The following ATL2 variants were observed in gnomAD, a reference collection of about 807,000 sequenced individuals.
ATL2 encodes atlastin-2.
In ATL2, 31 loss-of-function variants were observed where a neutral mutation model predicts 73.9. The ratio of observed to expected loss-of-function variants is 0.42; its 90% CI spans 0.32 to 0.57. The LOEUF (loss-of-function observed/expected upper bound fraction) is 0.57, where lower values mean the gene tolerates loss of function less well. Among genes scored for constraint, ATL2 ranks in the 20% least tolerant of loss-of-function variants. The pLI, the probability that ATL2 is intolerant of heterozygous loss-of-function variation, is 0.14. For synonymous variants in ATL2, 291 were observed against 237.5 expected, an observed-to-expected ratio of 1.23 and a Z score of -2.07; for missense variants, 738 against 702.6, an observed-to-expected ratio of 1.05 and a Z score of -0.57.
chr2:38,329,580 G>T (rs1170134522), intron 2 of ATL2, among the ~76,000 whole-genome samples: 1 of 151,850 alleles, frequency 6.6e-6, no homozygotes, highest in Admixed American at 6.6e-5. Flanking sequence ...TAAGCAGAGG[G>T]AATACTTCCT....
In ATL2 at chr2:38,298,473, T is replaced by C; in HGVS notation, c.1303A>G (p.Met435Val). Residue 435 changes from methionine to valine, a missense_variant, in exon 12 of 13, where the codon ATG becomes GTG. Transcript: ENST00000378954. ...CGACGGCAGAACTCATCTCCACCCA[T>C]CTTTTTTACTGAACGAAATTGTTTT... ...AIKQFRSVKKMGGDEFCRRYQ... is the reference protein window; with the variant it reads ...AIKQFRSVKKVGGDEFCRRYQ... 6.2e-7 allele frequency: 1 copy of C among 1,614,216 alleles called. No homozygotes were observed. The highest frequency in any genetic ancestry group is 8.5e-7 in the Non-Finnish European group (1 of 1,180,018).
intron 1 of ATL2, among the ~76,000 whole-genome samples, chr2:38,368,126 G>C (rs1056703093): frequency 1.3e-5 from 2 of 151,566 alleles, no homozygotes; most frequent in African/African-American, 2.4e-5. Context: ...AGTAGAGATG[G>C]GGTTTCACTG....
chr2:38,324,231 T>G (rs1668479322), intron 2 of ATL2, among the ~76,000 whole-genome samples: 1 of 152,084 alleles, frequency 6.6e-6, no homozygotes, highest in South Asian at 2.1e-4. Flanking sequence ...TGAGCCAAGA[T>G]CGCGCCATTG....
intron 1 of ATL2, among the ~76,000 whole-genome samples, chr2:38,347,465 C>A (rs1240214679): frequency 6.6e-6 from 1 of 152,180 alleles, no homozygotes; most frequent in Non-Finnish European, 1.5e-5. Flanking sequence ...CAGCATGGCC[C>A]TCCCTGACCA....
chr2:38,378,511 A>T (rs1230751027), upstream of ATL2, among the ~76,000 whole-genome samples: 1 of 152,250 alleles, frequency 6.6e-6, no homozygotes, highest in Admixed American at 6.5e-5. Context: ...TGCTGGGATT[A>T]CAGGCGTGAG....
At chr2:38,378,114 C>A (rs373383830), upstream of ATL2, among the ~76,000 whole-genome samples, 11 of 152,222 alleles carry the variant, frequency 7.2e-5, no homozygotes, top group Admixed American at 5.9e-4. Context: ...GTGGAGGCGT[C>A]TGTGAAACAT....
intron 1 of ATL2, among the ~76,000 whole-genome samples, chr2:38,352,777 A>T (rs1428854618): frequency 1.3e-5 from 2 of 152,242 alleles, no homozygotes; most frequent in African/African-American, 4.8e-5. Context: ...TTAAGGGTCA[A>T]GTTCTAGAGT....
rs531468050 is a variant in ATL2, at chr2:38,319,229, T to C, written c.364-210A>G. ...AGACGTGGTCTCCTCCAAACTCGAATCTTCTCAAATCAGCTCACACTACTA... is the reference window on the plus strand; with the variant it reads ...AGACGTGGTCTCCTCCAAACTCGAACCTTCTCAAATCAGCTCACACTACTA... On this transcript the variant is annotated intron_variant, in intron 2 of 12. Coordinates refer to ENST00000378954, the MANE Select transcript of ATL2 (RefSeq NM_001135673.4). Among the ~76,000 whole-genome samples, 30 of 152,286 alleles carry C rather than the reference T, an allele frequency of 2.0e-4. 1 individual carries two copies. In the South Asian group the frequency reaches 5.8e-3, roughly 29 times the overall value.
intron 1 of ATL2, among the ~76,000 whole-genome samples, chr2:38,366,673 G>T (rs1671349374): frequency 1.3e-5 from 2 of 152,058 alleles, no homozygotes; most frequent in East Asian, 1.9e-4. Flanking sequence ...TAAGCTTAAC[G>T]ATAAACTTAA....
intron 2 of ATL2, among the ~76,000 whole-genome samples, chr2:38,341,068 T>C (rs982597300): frequency 6.6e-6 from 1 of 152,210 alleles, no homozygotes; most frequent in Non-Finnish European, 1.5e-5. Flanking sequence ...AAATGGCACC[T>C]GAGGTGAAAC....
In ATL2 at chr2:38,298,395, T is replaced by G. The variant is rs1362881971; in HGVS notation, c.1381A>C (p.Lys461Gln). The change falls in exon 12 of 13, where the codon AAG (lysine) becomes CAG (glutamine). Residue 461 changes from lysine (K) to glutamine (Q), a missense_variant. Lys to Gln is a moderately conservative substitution (Grantham distance 53). Transcript: ENST00000378954. ...AAGATATTTTTGCCATCATTGTGCT[T>G]TATAAAATTTGCATAGGTTTCTTCA... The part of the protein sequence containing the change: ...EIEETYANFI[K>Q]HNDGKNIFYA... 1.2e-6 allele frequency: 2 copies of G among 1,614,200 alleles called. No individual in the cohort carries two copies. The highest frequency in any genetic ancestry group is 1.7e-6 in the Non-Finnish European group (2 of 1,180,026).
intron 1 of ATL2, chr2:38,358,633 A>C (rs1184458343): frequency 4.3e-6 from 1 of 230,422 alleles, no homozygotes; most frequent in Admixed American, 5.1e-5. Context: ...CGGAGCTTGC[A>C]GTGAGCCGAG....
chr2:38,343,457 T>A lies in ATL2; in HGVS notation c.174A>T (p.Pro58=). The A allele has an allele frequency of 1.2e-6, 2 of 1,611,920 alleles. No homozygotes were observed. Among genetic ancestry groups the A allele is most frequent in the Non-Finnish European group, 1.7e-6 (2 of 1,178,530 alleles). Reference sequence around the variant, plus strand: ...GAGCAAGAACAATCTGTACTGGACATGGTTTCTTCATAACCTCATCAGAAT... The same window carrying A: ...GAGCAAGAACAATCTGTACTGGACAAGGTTTCTTCATAACCTCATCAGAAT... ...LVNSDEVMKK[P]CPVQIVLAHE... Residue 58 remains proline, a synonymous_variant, in exon 2 of 13, where the codon CCA becomes CCT. Transcript: ENST00000378954.
chr2:38,355,723 T>C (rs1214164478), intron 1 of ATL2, among the ~76,000 whole-genome samples: 1 of 150,616 alleles, frequency 6.6e-6, no homozygotes, highest in Non-Finnish European at 1.5e-5. Flanking sequence ...TTTTTTTCTT[T>C]GAGTCTCGCT....
At chr2:38,352,156 A>AAG (rs1670392361) in intron 1 of ATL2, among the ~76,000 whole-genome samples, 1 of 142,908 alleles carries the variant, frequency 7.0e-6, no homozygotes, top group African/African-American at 2.8e-5. Flanking sequence ...AAAAAAAAAA[A>AAG]AAAACCACCA....
chr2:38,331,430 G>C (rs1355873204), intron 2 of ATL2, among the ~76,000 whole-genome samples: 15 of 111,066 alleles, frequency 1.4e-4, no homozygotes, highest in Non-Finnish European at 2.4e-4. Context: ...GTGAGACTCT[G>C]TCTCAAGAAA....
rs1377544378 is a variant in ATL2 at position 38,309,423 on chromosome 2, T to G, written c.1027A>C (p.Ser343Arg). 1 of 1,612,350 alleles carries G rather than the reference T, an allele frequency of 6.2e-7. No homozygotes were observed. Among genetic ancestry groups the G allele is most frequent in the South Asian group, 1.1e-5 (1 of 91,028 alleles). ...APENLVEKEI[S>R]GSKVTCRDLV... Reference sequence around the variant, plus strand: ...TCTCTACAAGTGACTTTAGATCCACTTATCTCTTTTTCTACCAAATTTTCA... The same window carrying G: ...TCTCTACAAGTGACTTTAGATCCACGTATCTCTTTTTCTACCAAATTTTCA... Residue 343 changes from serine (S) to arginine (R), a missense_variant, in exon 9 of 13, where the codon AGT (serine) becomes CGT (arginine). By Grantham distance (110) the Ser-to-Arg change is moderately radical. Coordinates refer to ENST00000378954, the MANE Select transcript of ATL2 (RefSeq NM_001135673.4).
chr2:38,308,516 T>C (rs183298082), intron 9 of ATL2, among the ~76,000 whole-genome samples: 41 of 152,148 alleles, frequency 2.7e-4, no homozygotes, highest in African/African-American at 9.9e-4. Context: ...AAAATATAGT[T>C]AGAATAAGAT....
chr2:38,333,921 T>C (rs777477184), intron 2 of ATL2, among the ~76,000 whole-genome samples: 2 of 152,038 alleles, frequency 1.3e-5, no homozygotes, highest in South Asian at 2.1e-4. Flanking sequence ...AAAACCTGCA[T>C]AGGGAAGAAT....
Sources: gnomAD v4.1 joint callset for allele counts (sites outside exome capture counted in the v4.1 genomes callset) on GRCh38, gnomAD v4.1.1 for gene constraint, MANE v1.5 for transcripts, NCBI Gene and HGNC (gene_info 2026-07-23, HGNC 2026-07-21) for gene names.